SLC9A9: variants seen among roughly 807,000 people sequenced by gnomAD.
SLC9A9 encodes the protein solute carrier family 9 member A9.
A neutral mutation model predicts 77.8 loss-of-function variants in SLC9A9; 62 were observed. That is an observed-to-expected ratio of 0.80 (90% CI 0.65 to 0.98). The LOEUF is 0.98. SLC9A9 is among the 50% of genes least tolerant of loss of function. The pLI is 0.00. For synonymous variants in SLC9A9, 320 were observed against 283.5 expected, an observed-to-expected ratio of 1.13 and a Z score of -1.29; for missense variants, 775 against 774.9, an observed-to-expected ratio of 1.00 and a Z score of 0.00.
intron 12 of SLC9A9, among the ~76,000 whole-genome samples, chr3:143,463,630 C>T (rs1260949316): frequency 4.6e-5 from 7 of 152,164 alleles, no homozygotes; most frequent in Non-Finnish European, 1.0e-4. Context: ...AGAAACCATT[C>T]TACTTTATTT....
At chr3:143,802,472 G>A (rs1323535431) in intron 2 of SLC9A9, among the ~76,000 whole-genome samples, 2 of 152,162 alleles carry the variant, frequency 1.3e-5, no homozygotes, top group Admixed American at 6.5e-5. Flanking sequence ...CCCGAGTCAG[G>A]AAACTAAAAT....
At chr3:143,685,170 TTTTA>T (rs1481721669) in intron 5 of SLC9A9, among the ~76,000 whole-genome samples, 1 of 152,136 alleles carries the variant, frequency 6.6e-6, no homozygotes. Context: ...TTATAGGATA[TTTTA>T]TTTAACTTGA....
chr3:143,367,485 G>T (rs2032943141), intron 13 of SLC9A9, among the ~76,000 whole-genome samples: 1 of 152,176 alleles, frequency 6.6e-6, no homozygotes, highest in African/African-American at 2.4e-5. Context: ...TGAAGTTACT[G>T]ATGACTTAAT....
chr3:143,788,338 A>G (rs2008117082), intron 4 of SLC9A9, among the ~76,000 whole-genome samples: 1 of 152,198 alleles, frequency 6.6e-6, no homozygotes, highest in African/African-American at 2.4e-5. Context: ...TTCCAACCAC[A>G]CAGGAAAATA....
chr3:143,751,453 T>C (rs2006714012), intron 4 of SLC9A9, among the ~76,000 whole-genome samples: 2 of 152,182 alleles, frequency 1.3e-5, no homozygotes, highest in South Asian at 4.1e-4. Flanking sequence ...CATGCTGCTT[T>C]CCAGAGACAT....
Position 143,801,965 on chromosome 3 carries a change from A to G in SLC9A9, c.379-5062T>C, listed in dbSNP as rs923445449. ...CTCTTCTCAAGGCCGCTTTACTTCC[A>G]AAAGAAGCTGGAGTCATTCACTGCA... On this transcript the variant is annotated intron_variant, in intron 2 of 15. Transcript: ENST00000316549. 7.2e-5 allele frequency among the ~76,000 whole-genome samples: 11 copies of G among 152,366 alleles called. No individual in the cohort carries two copies. The South Asian group carries it at 2.3e-3, about 32-fold the overall frequency.
At chr3:143,270,141 A>G (rs929750756) in intron 14 of SLC9A9, among the ~76,000 whole-genome samples, 1 of 152,188 alleles carries the variant, frequency 6.6e-6, no homozygotes, top group Non-Finnish European at 1.5e-5. Context: ...GCAAATAGAA[A>G]AGTTGATCCC....
intron 4 of SLC9A9, among the ~76,000 whole-genome samples, chr3:143,769,112 TAAA>T (rs2007428127): frequency 6.6e-6 from 1 of 152,168 alleles, no homozygotes. Flanking sequence ...TAAACATATG[TAAA>T]ATACTTGGCA....
intron 2 of SLC9A9, among the ~76,000 whole-genome samples, chr3:143,812,018 G>C (rs1442229859): frequency 1.3e-5 from 2 of 152,208 alleles, no homozygotes; most frequent in Non-Finnish European, 2.9e-5. Flanking sequence ...CTAAGGAATA[G>C]AGGGGAAGGT....
At chr3:143,649,006 T>C (rs2038753884) in intron 6 of SLC9A9, among the ~76,000 whole-genome samples, 1 of 152,210 alleles carries the variant, frequency 6.6e-6, no homozygotes, top group African/African-American at 2.4e-5. Context: ...TTCAGTTACA[T>C]CAGCTAATAC....
chr3:143,291,357 A>G (rs956449632), intron 14 of SLC9A9, among the ~76,000 whole-genome samples: 1 of 152,186 alleles, frequency 6.6e-6, no homozygotes, highest in African/African-American at 2.4e-5. Context: ...CCTGCTGACT[A>G]AAACCTTTCC....
chr3:143,450,944 G>A (rs2034996618), intron 12 of SLC9A9, among the ~76,000 whole-genome samples: 1 of 152,130 alleles, frequency 6.6e-6, no homozygotes, highest in Non-Finnish European at 1.5e-5. Flanking sequence ...ATGTGTGGGT[G>A]CTATGCCGGA....
intron 9 of SLC9A9, among the ~76,000 whole-genome samples, chr3:143,549,359 A>G (rs2036842477): frequency 1.3e-5 from 2 of 152,258 alleles, no homozygotes. Context: ...GCAAGTATGT[A>G]TAAATATGTA....
At chr3:143,390,824 G>T (rs1338959512) in intron 12 of SLC9A9, among the ~76,000 whole-genome samples, 2 of 152,188 alleles carry the variant, frequency 1.3e-5, no homozygotes, top group Non-Finnish European at 2.9e-5. Flanking sequence ...GGCTCAGAGG[G>T]TCCCACACCC....
At chr3:143,826,211 A>T (rs1399263901) in intron 2 of SLC9A9, among the ~76,000 whole-genome samples, 2 of 151,526 alleles carry the variant, frequency 1.3e-5, no homozygotes, top group Admixed American at 1.3e-4. Flanking sequence ...GTGAGCTGGA[A>T]TCGTACCACT....
At chr3:143,578,849 G>A (rs1248246714) in intron 6 of SLC9A9, 126 bp from the exon 7 acceptor site, 2 of 1,116,276 alleles carry the variant, frequency 1.8e-6, no homozygotes, top group East Asian at 4.8e-5. Flanking sequence ...AAGAGTTAGG[G>A]GAAAACAGAT....
At chr3:143,297,508 G>A (rs1191999778) in intron 14 of SLC9A9, among the ~76,000 whole-genome samples, 1 of 151,970 alleles carries the variant, frequency 6.6e-6, no homozygotes, top group Non-Finnish European at 1.5e-5. Context: ...AGATAGCTTT[G>A]GCTATTCTTG....
At chr3:143,405,034 C>T (rs2033948022) in intron 12 of SLC9A9, among the ~76,000 whole-genome samples, 1 of 152,196 alleles carries the variant, frequency 6.6e-6, no homozygotes, top group Admixed American at 6.5e-5. Context: ...GCCCCACTTT[C>T]ATCCAGGCAC....
chr3:143,439,270 A>G (rs1278956618), intron 12 of SLC9A9, among the ~76,000 whole-genome samples: 2 of 152,190 alleles, frequency 1.3e-5, no homozygotes, highest in Admixed American at 6.5e-5. Context: ...AGAAAGGTGA[A>G]ATAACTTGCC....
Sources: allele counts gnomAD v4.1 joint callset (sites outside exome capture counted in the v4.1 genomes callset), GRCh38; gene constraint gnomAD v4.1.1; transcripts MANE v1.5; gene names NCBI Gene and HGNC (gene_info 2026-07-23, HGNC 2026-07-21).